ARAP3: variants seen among roughly 807,000 people sequenced by gnomAD.
ARAP3 encodes arf-GAP with Rho-GAP domain, ANK repeat and PH domain-containing protein 3.
ARAP3 carries 82 observed loss-of-function variants against 169.2 expected under a neutral mutation model. The observed-to-expected ratio is 0.48, with a 90% CI of 0.41 to 0.58. The LOEUF (loss-of-function observed/expected upper bound fraction) is 0.58, where lower values mean the gene tolerates loss of function less well. ARAP3 is among the 20% of genes least tolerant of loss of function. The pLI is 0.00. For missense variants in ARAP3, 1,764 were observed against 2,018.0 expected (o/e 0.87, Z 2.41); for synonymous variants, 791 against 800.3 (o/e 0.99, Z 0.20).
At chr5:141,669,683 C>T in intron 16 of ARAP3, 26 bp downstream of exon 16, 1 of 1,605,134 alleles carries the variant, frequency 6.2e-7, no homozygotes, top group Non-Finnish European at 8.5e-7. Flanking sequence ...GCATGAGATG[C>T]TGCAGAGGGC....
intron 14 of ARAP3, 50 bp from the exon 15 acceptor site, chr5:141,670,113 T>C (rs1329695797): frequency 5.7e-6 from 9 of 1,571,954 alleles, no homozygotes; most frequent in Non-Finnish European, 7.7e-6. Context: ...GCCCCCACTG[T>C]CATAGTTCCA....
Position 141,665,362 on chromosome 5 carries a change from G to C in ARAP3, c.2585C>G (p.Ala862Gly). Residue 862 changes from alanine to glycine, a missense_variant, in exon 18 of 33, where the codon GCA (alanine) becomes GGA (glycine). Around this residue, in one of 3 missense-constraint regions of ARAP3, gnomAD observed 1,112 missense variants for 1,285.7 expected, o/e 0.86. Transcript: ENST00000239440. ...RRLQEISVVS[A>G]ADTPDKKEHL... is the part of the protein sequence containing the mutation. ...CTCTTTCTTATCTGGGGTGTCAGCT[G>C]CAGAAACCACACCTGGGAGGAGAAT... The C allele has an allele frequency of 6.2e-7, 1 of 1,614,172 alleles. No homozygotes were observed. The highest frequency in any genetic ancestry group is 8.5e-7 in the Non-Finnish European group (1 of 1,180,024).
chr5:141,653,895 G>C lies in ARAP3; in HGVS notation c.*55C>G, dbSNP rs759275830. 4.7e-5 allele frequency: 71 copies of C among 1,506,168 alleles called. No homozygotes were observed. The highest frequency in any genetic ancestry group is 5.5e-5 in the Non-Finnish European group (62 of 1,129,356). 93.3% of individuals were successfully genotyped at this position (1,506,168 alleles called of 1,614,324 possible). A position where few individuals can be genotyped will look rare whatever the true frequency, so the allele number is the denominator to read the frequency against. On this transcript the variant is annotated 3_prime_UTR_variant, in exon 33 of 33. Transcript: ENST00000239440. ...GCAGAGGAAGCTGCAACAGTGCCAC[G>C]ATAAGAGTTTCTGGGTCTTCTGGTA...
chr5:141,664,197 C>T (rs1198655003), intron 19 of ARAP3, among the ~76,000 whole-genome samples: 1 of 152,074 alleles, frequency 6.6e-6, no homozygotes, highest in African/African-American at 2.4e-5. Flanking sequence ...CCAGCCTGGC[C>T]AACATGGTAA....
Position 141,669,775 on chromosome 5 carries a change from C to A in ARAP3, c.2286G>T (p.Gly762=). 6.2e-7 allele frequency: 1 copy of A among 1,614,048 alleles called. No individual in the cohort carries two copies. The highest frequency in any genetic ancestry group is 8.5e-7 in the Non-Finnish European group (1 of 1,179,962). The stretch of plus-strand genomic sequence containing the variant: ...CATCTGTGCCAAAATGCTGGATCCT[C>A]CCCCCAGCGAGGATGAGCTCAAAGG... The part of the protein sequence containing the change: ...PFSFELILAG[G]RIQHFGTDGA... Residue 762 remains glycine, a synonymous_variant, in exon 16 of 33, where the codon GGG becomes GGT. Transcript: ENST00000239440.
chr5:141,659,911 C>G lies in ARAP3; in HGVS notation c.3135G>C (p.Ala1045=). 2.5e-6 allele frequency: 4 copies of G among 1,568,938 alleles called. No homozygotes were observed. Among genetic ancestry groups the G allele is most frequent in the Non-Finnish European group, 3.5e-6 (4 of 1,155,976 alleles). Residue 1045 remains alanine, a synonymous_variant, in exon 22 of 33, where the codon GCG becomes GCC. Transcript: ENST00000239440. ...IGHLYRVQKC[A]ALNQMCTRNL... is the part of the protein sequence containing the mutation. ...TCCGCGTGCACATCTGGTTTAGAGCCGCACATTTCTGCACCCTGCAGAGGG... is the reference window on the plus strand; with the variant it reads ...TCCGCGTGCACATCTGGTTTAGAGCGGCACATTTCTGCACCCTGCAGAGGG...
chr5:141,677,928 G>T (rs2099912420), intron 4 of ARAP3, among the ~76,000 whole-genome samples: 1 of 150,342 alleles, frequency 6.7e-6, no homozygotes, highest in Non-Finnish European at 1.5e-5. Flanking sequence ...GGGACTACAG[G>T]TGTGCGCCAC....
In ARAP3 at chr5:141,666,488, T is replaced by G. The variant is rs1271428871; in HGVS notation, c.2508A>C (p.Ser836=). ...GGGCTGGGGGGCCTGGGCCCGGCGC[T>G]GAGCACAGGAAGAGGTGGTCACCAC... ...LLRGDHLFLC[S]APGPGPPAPE... is the part of the protein sequence containing the mutation. Residue 836 remains serine, a synonymous_variant, in exon 17 of 33, where the codon TCA becomes TCC. Coordinates refer to ENST00000239440, the MANE Select transcript of ARAP3 (RefSeq NM_022481.6). 1.2e-6 allele frequency: 2 copies of G among 1,601,632 alleles called. No individual in the cohort carries two copies. Among genetic ancestry groups the G allele is most frequent in the Non-Finnish European group, 8.5e-7 (1 of 1,174,110 alleles).
chr5:141,657,219 A>G (rs1353458406), intron 25 of ARAP3, among the ~76,000 whole-genome samples: 1 of 152,272 alleles, frequency 6.6e-6, no homozygotes, highest in Non-Finnish European at 1.5e-5. Context: ...AGAGCAAGCC[A>G]TGCTAAGATT....
rs375260150 is a variant in ARAP3 at position 141,654,302 on chromosome 5, G to T, written c.4283C>A (p.Thr1428Lys). 1 of 1,614,150 alleles carries T rather than the reference G, an allele frequency of 6.2e-7. No individual in the cohort carries two copies. Residue 1428 changes from threonine to lysine, a missense_variant, in exon 33 of 33, where the codon ACA becomes AAA. Thr to Lys is a moderately conservative substitution (Grantham distance 78). Around this residue, in one of 3 missense-constraint regions of ARAP3, gnomAD observed 1,112 missense variants for 1,285.7 expected, o/e 0.86. Transcript: ENST00000239440. ...CTCTGGCTTCACTGTCCACTCCCGT[G>T]TGGTGGAGAAGGAGGTAGAAGTGTC... is the stretch of plus-strand genomic sequence containing the variant. Reference protein sequence around the residue: ...IQDTSTSFSTTREWTVKPENP... With the variant: ...IQDTSTSFSTKREWTVKPENP...
chr5:141,654,853 C>T (rs899499722), intron 32 of ARAP3, among the ~76,000 whole-genome samples: 2 of 151,946 alleles, frequency 1.3e-5, no homozygotes, highest in African/African-American at 4.8e-5. Flanking sequence ...GATTCTCCTG[C>T]CTCAGCCTCC....
rs1271428871 is a variant in ARAP3 at position 141,666,488 on chromosome 5, T to C, written c.2508A>G (p.Ser836=). Residue 836 remains serine (S), a synonymous_variant, in exon 17 of 33, where the codon TCA becomes TCG. Coordinates refer to ENST00000239440, the MANE Select transcript of ARAP3 (RefSeq NM_022481.6). ...LLRGDHLFLC[S]APGPGPPAPE... is the part of the protein sequence containing the mutation. ...GGGCTGGGGGGCCTGGGCCCGGCGC[T>C]GAGCACAGGAAGAGGTGGTCACCAC... The C allele has an allele frequency of 4.4e-6, 7 of 1,601,750 alleles. No homozygotes were observed. The highest frequency in any genetic ancestry group is 1.3e-5 in the African/African-American group (1 of 74,566).
At chr5:141,680,718 C>T (rs1657901438) in intron 1 of ARAP3, 1 of 763,978 alleles carries the variant, frequency 1.3e-6, no homozygotes, top group Non-Finnish European at 2.0e-6. Flanking sequence ...AAACTGAGGC[C>T]CAGAGAGGGG....
rs1305233331 is a variant in ARAP3 at position 141,653,604 on chromosome 5, A to C, written c.*346T>G. On this transcript the variant is annotated 3_prime_UTR_variant, in exon 33 of 33. Coordinates refer to ENST00000239440, the MANE Select transcript of ARAP3 (RefSeq NM_022481.6). ...AATGCAGTAAAACCATTCCTTTAAA[A>C]CCCAAAATCTCTCATGGAACCCCTA... The C allele has an allele frequency of 5.2e-6, 1 of 190,580 alleles. No individual in the cohort carries two copies. Among genetic ancestry groups the C allele is most frequent in the East Asian group, 1.3e-4 (1 of 7,712 alleles). 11.8% of individuals were successfully genotyped at this position (190,580 alleles called of 1,614,324 possible). A position where few individuals can be genotyped will look rare whatever the true frequency, so the allele number is the denominator to read the frequency against.
At chr5:141,661,610 A>G in intron 21 of ARAP3, 74 bp downstream of exon 21, 3 of 1,373,474 alleles carry the variant, frequency 2.2e-6, no homozygotes, top group Non-Finnish European at 1.0e-6. Context: ...GAATGAATGA[A>G]TGAATAAATG....
Position 141,653,989 on chromosome 5 carries a change from T to C in ARAP3, c.4596A>G (p.Pro1532=), listed in dbSNP as rs1562399388. The C allele has an allele frequency of 1.9e-6, 3 of 1,543,856 alleles. No homozygotes were observed. Among genetic ancestry groups the C allele is most frequent in the Non-Finnish European group, 1.7e-6 (2 of 1,146,026 alleles). The change falls in exon 33 of 33, where the codon CCA becomes CCG. Residue 1532 remains proline (P), a synonymous_variant. Coordinates refer to ENST00000239440, the MANE Select transcript of ARAP3 (RefSeq NM_022481.6). ...TQTPGFPTQP[P]CTSSPPSSQP... ...GGCTGGAGGGTGGACTGGAAGTGCA[T>C]GGGGGTTGGGTGGGGAAGCCAGGTG...
chr5:141,677,064 T>G (rs1265897631), intron 4 of ARAP3, among the ~76,000 whole-genome samples: 1 of 152,180 alleles, frequency 6.6e-6, no homozygotes, highest in African/African-American at 2.4e-5. Flanking sequence ...CAGAAGTTAA[T>G]GCGAACCAAG....
At chr5:141,674,389 A>G (rs910403587) in intron 4 of ARAP3, among the ~76,000 whole-genome samples, 1 of 151,970 alleles carries the variant, frequency 6.6e-6, no homozygotes, top group Non-Finnish European at 1.5e-5. Context: ...AGCTGGGACT[A>G]CAGGCATGTG....
In ARAP3 at chr5:141,659,201, C is replaced by T. The variant is rs923962397; in HGVS notation, c.3336+207G>A. On this transcript the variant is annotated intron_variant, in intron 23 of 32. Transcript: ENST00000239440. ...TGCCAAGATTATCACCAGGAAGAAT[C>T]CTCATGGTGGAACAAATGGAGCAAA... 2.6e-5 allele frequency among the ~76,000 whole-genome samples: 4 copies of T among 152,162 alleles called. No homozygotes were observed. The South Asian group carries it at 8.3e-4, about 32-fold the overall frequency.
Sources: allele counts gnomAD v4.1 joint callset (sites outside exome capture counted in the v4.1 genomes callset), GRCh38; gene constraint gnomAD v4.1.1; regional missense constraint gnomAD v4.1.1; transcripts MANE v1.5; gene names NCBI Gene and HGNC (gene_info 2026-07-23, HGNC 2026-07-21).